Variants in RGMA observed in about 807,000 individuals in gnomAD.
RGMA encodes repulsive guidance molecule A.
Under a neutral mutation model 23.2 loss-of-function variants are expected in RGMA, and 10 were observed. That is an observed-to-expected ratio of 0.43 (90% CI 0.27 to 0.73). RGMA has a LOEUF of 0.73. Among genes scored for constraint, RGMA ranks in the 30% least tolerant of loss-of-function variants. The pLI, the probability that RGMA is intolerant of heterozygous loss-of-function variation, is 0.20. For missense variants in RGMA, 547 were observed against 630.5 expected (o/e 0.87, Z 1.42); for synonymous variants, 308 against 279.3 (o/e 1.10, Z -1.03).
At chr15:93,069,739 C>G (rs1895265012) in intron 2 of RGMA, among the ~76,000 whole-genome samples, 1 of 152,204 alleles carries the variant, frequency 6.6e-6, no homozygotes, top group Non-Finnish European at 1.5e-5. Flanking sequence ...ACTTGCATTT[C>G]TAACCAGTTC....
intron 1 of RGMA, among the ~76,000 whole-genome samples, chr15:93,080,377 A>AT (rs1408954668): frequency 6.6e-6 from 1 of 151,848 alleles, no homozygotes; most frequent in African/African-American, 2.4e-5. Flanking sequence ...ATTCTTTGGT[A>AT]TTTTTTGTGG....
intron 2 of RGMA, among the ~76,000 whole-genome samples, chr15:93,054,928 TG>T (rs1224637647): frequency 6.6e-6 from 1 of 151,238 alleles, no homozygotes. Flanking sequence ...GTAGCTTCCC[TG>T]CCGCCCCCTG....
chr15:93,079,975 C>A (rs1020598710), intron 1 of RGMA, among the ~76,000 whole-genome samples: 1 of 152,164 alleles, frequency 6.6e-6, no homozygotes, highest in African/African-American at 2.4e-5. Context: ...CTTCCTTTCT[C>A]TCTGTGTAAA....
chr15:93,045,554 G>A lies in RGMA; in HGVS notation c.797C>T (p.Ser266Leu), dbSNP rs973290523. The A allele has an allele frequency of 2.5e-6, 4 of 1,613,358 alleles. No homozygotes were observed. Among genetic ancestry groups the A allele is most frequent in the Non-Finnish European group, 3.4e-6 (4 of 1,179,898 alleles). ...GGCCTGGATCTCCACGTGCTGGCCT[G>A]ACACCTTCTCAGTGATCTTCAGGCT... ...ANSLKITEKV[S>L]GQHVEIQAKY... is the part of the protein sequence containing the mutation. The change falls in exon 4 of 4, where the codon TCA becomes TTA. Residue 266 changes from serine (S) to leucine (L), a missense_variant. Transcript: ENST00000329082. The surrounding 1 kb of genome is among the most constrained non-coding windows in gnomAD (Gnocchi z 6.9).
At chr15:93,066,499 CG>C (rs1895157487) in intron 2 of RGMA, 1 of 514,602 alleles carries the variant, frequency 1.9e-6, no homozygotes, top group Non-Finnish European at 3.7e-6. Context: ...ATCCCAGCAG[CG>C]GGGCCCGAGG....
At position 93,036,116 on chromosome 15, in the gene RGMA, C is replaced by G. The variant is rs948713100; in HGVS notation, c.*8882G>C. 3 of 152,226 alleles carry G rather than the reference C, an allele frequency of 2.0e-5. No homozygotes were observed. Among genetic ancestry groups the G allele is most frequent in the Admixed American group, 6.5e-5 (1 of 15,282 alleles). 9.4% of individuals were successfully genotyped at this position (152,226 alleles called of 1,614,324 possible). A position where few individuals can be genotyped will look rare whatever the true frequency, so the allele number is the denominator to read the frequency against. On this transcript the variant is annotated 3_prime_UTR_variant, in exon 4 of 4. Coordinates refer to ENST00000329082, the MANE Select transcript of RGMA (RefSeq NM_020211.3). ...CACATGTGACTCGGTTAGTGTCTGT[C>G]TCTCACCACTAGAGGTCAGTCCCGT...
chr15:93,055,533 G>T (rs370943567), intron 2 of RGMA, among the ~76,000 whole-genome samples: 1 of 152,198 alleles, frequency 6.6e-6, no homozygotes, highest in Non-Finnish European at 1.5e-5. Context: ...GCCAGGGCAG[G>T]ACATGAATCC....
At chr15:93,073,558 C>G in intron 1 of RGMA, 1 of 1,524,898 alleles carries the variant, frequency 6.6e-7, no homozygotes, top group Non-Finnish European at 8.8e-7. Context: ...CAAATCCCAG[C>G]CCTACTTTCC....
chr15:93,065,969 G>A (rs1308376976), intron 2 of RGMA: 24 of 1,022,546 alleles, frequency 2.3e-5, no homozygotes, highest in East Asian at 2.4e-5. Context: ...GGGCGCCGTC[G>A]TCTGGGCCGC....
chr15:93,084,292 C>T (rs1252534177), intron 1 of RGMA, among the ~76,000 whole-genome samples: 2 of 152,142 alleles, frequency 1.3e-5, no homozygotes, highest in Non-Finnish European at 2.9e-5. Context: ...GCCCAGGAGA[C>T]GTTTTTGAGC....
At chr15:93,065,924 C>T in intron 2 of RGMA, 4 of 739,290 alleles carry the variant, frequency 5.4e-6, no homozygotes, top group East Asian at 2.6e-5. Flanking sequence ...GGCCGAGGGA[C>T]TCGCACAAAC....
intron 2 of RGMA, among the ~76,000 whole-genome samples, chr15:93,060,938 C>T (rs1188228757): frequency 6.6e-6 from 1 of 152,220 alleles, no homozygotes; most frequent in East Asian, 1.9e-4. Flanking sequence ...TCGAGGATGG[C>T]CCCTCAGCTT....
rs374427812 is a variant in RGMA at position 93,065,655 on chromosome 15, G to A, written c.130+7261C>T. 1.8e-4 allele frequency: 180 copies of A among 1,007,836 alleles called. No individual in the cohort carries two copies. In the African/African-American group the frequency reaches 2.5e-3, roughly 14 times the overall value. The allele number at this position is 1,007,836 out of a possible 1,614,324, so 62.4% of individuals were successfully genotyped here. ...GAGGTCTCAGGGGCTGCGGGCTGCC[G>A]GGGGCCGGGGCCTGCTGCCCTCTCT... On this transcript the variant is annotated intron_variant, in intron 2 of 3. Transcript: ENST00000329082.
intron 3 of RGMA, among the ~76,000 whole-genome samples, chr15:93,048,715 T>G (rs1199060767): frequency 1.3e-5 from 2 of 152,160 alleles, no homozygotes; most frequent in Non-Finnish European, 2.9e-5. Context: ...GGCAACTTCA[T>G]ACGGTTCAGC....
At position 93,053,826 on chromosome 15, in the gene RGMA, C is replaced by G. The variant is rs1482112105; in HGVS notation, c.131-1319G>C. Reference sequence around the variant, plus strand: ...TCTGAAATTTGGGCTCCCCCCTTCACGTGACCCGTTTGCCATACTGCCAGT... The same window carrying G: ...TCTGAAATTTGGGCTCCCCCCTTCAGGTGACCCGTTTGCCATACTGCCAGT... On this transcript the variant is annotated intron_variant, in intron 2 of 3. Transcript: ENST00000329082. 2.0e-5 allele frequency among the ~76,000 whole-genome samples: 3 copies of G among 152,202 alleles called. No individual in the cohort carries two copies. In the East Asian group the frequency reaches 5.8e-4, roughly 29 times the overall value.
intron 3 of RGMA, 122 bp downstream of exon 3, chr15:93,051,871 T>A: frequency 1.9e-6 from 2 of 1,064,398 alleles, no homozygotes; most frequent in Non-Finnish European, 2.7e-6. Context: ...TGCTCCTGTG[T>A]CCCCGCTCCG....
intron 1 of RGMA, among the ~76,000 whole-genome samples, chr15:93,077,353 G>A (rs762954442): frequency 5.5e-4 from 84 of 152,288 alleles, no homozygotes; most frequent in Non-Finnish European, 5.7e-4. Context: ...CTGGGCATCA[G>A]CATTTTTAAG....
At chr15:93,063,259 T>C (rs1895029599) in intron 2 of RGMA, among the ~76,000 whole-genome samples, 1 of 152,242 alleles carries the variant, frequency 6.6e-6, no homozygotes, top group Non-Finnish European at 1.5e-5. Context: ...GATGCTGAGA[T>C]GCCCTCCTTA....
At chr15:93,079,228 A>C (rs77535466) in intron 1 of RGMA, among the ~76,000 whole-genome samples, 7,984 of 152,318 alleles carry the variant, frequency 0.052, 861 homozygotes, top group East Asian at 0.49. Flanking sequence ...CTTGTCTCTA[A>C]GGATAATTCT....
Sources: allele counts gnomAD v4.1 joint callset (sites outside exome capture counted in the v4.1 genomes callset), GRCh38; gene constraint gnomAD v4.1.1; non-coding constraint Gnocchi (gnomAD v3.1); transcripts MANE v1.5; gene names NCBI Gene and HGNC (gene_info 2026-07-23, HGNC 2026-07-21).